TCEA1: variants seen among roughly 807,000 people sequenced by gnomAD.
The protein encoded by TCEA1 is transcription elongation factor A protein 1.
TCEA1 carries 21 observed loss-of-function variants against 43.8 expected under a neutral mutation model. The observed-to-expected ratio is 0.48, with a 90% CI of 0.34 to 0.69. The LOEUF is 0.69. Ranked by LOEUF, TCEA1 falls within the 30% of genes least tolerant of loss-of-function variation. TCEA1 has a pLI of 0.01. For missense variants in TCEA1, 250 were observed against 365.1 expected, an observed-to-expected ratio of 0.68 and a Z score of 2.57; for synonymous variants, 104 against 117.5, an observed-to-expected ratio of 0.88 and a Z score of 0.75.
intron 1 of TCEA1, among the ~76,000 whole-genome samples, chr8:54,014,530 ACT>A (rs1418729328): frequency 1.3e-5 from 2 of 152,122 alleles, no homozygotes; most frequent in African/African-American, 4.8e-5. Context: ...AGAAAGAAAG[ACT>A]CTTCTTTAAT....
intron 3 of TCEA1, 73 bp downstream of exon 3, chr8:53,999,872 C>T (rs1586020719): frequency 9.5e-7 from 1 of 1,050,396 alleles, no homozygotes; most frequent in African/African-American, 1.6e-5. Context: ...ATTAACTAAC[C>T]ATAAAATGTA....
chr8:53,995,244 G>A (rs897331667), intron 3 of TCEA1, among the ~76,000 whole-genome samples: 3 of 149,416 alleles, frequency 2.0e-5, no homozygotes, highest in Non-Finnish European at 3.0e-5. Flanking sequence ...GCAGTGAGCC[G>A]AGATTGTGCG....
At chr8:54,021,354 T>C (rs1354586329) in intron 1 of TCEA1, among the ~76,000 whole-genome samples, 1 of 152,322 alleles carries the variant, frequency 6.6e-6, no homozygotes, top group East Asian at 1.9e-4. Context: ...GCCACCAGTA[T>C]TAACTGTAAA....
In TCEA1 at chr8:53,973,808, A is replaced by C. The variant is rs1447376375; in HGVS notation, c.826-3345T>G. On this transcript the variant is annotated intron_variant, in intron 8 of 9. Coordinates refer to ENST00000521604, the MANE Select transcript of TCEA1 (RefSeq NM_006756.4). The stretch of plus-strand genomic sequence containing the variant: ...CAGATCCCAATTTCAAGAAAACAAA[A>C]GCTGTGGAAAAAACCCTTGAGGAGA... 3.2e-5 allele frequency: 13 copies of C among 411,888 alleles called. No homozygotes were observed. In the Admixed American group the frequency reaches 4.5e-4, roughly 14 times the overall value. 25.5% of individuals were successfully genotyped at this position (411,888 alleles called of 1,614,324 possible). A position where few individuals can be genotyped will look rare whatever the true frequency, so the allele number is the denominator to read the frequency against.
intron 2 of TCEA1, among the ~76,000 whole-genome samples, chr8:54,008,861 T>A (rs1021510454): frequency 4.0e-5 from 6 of 149,964 alleles, no homozygotes; most frequent in African/African-American, 1.2e-4. Flanking sequence ...TTATTTTTTT[T>A]TTTTTTGAGA....
intron 1 of TCEA1, among the ~76,000 whole-genome samples, chr8:54,016,006 A>G (rs1433782807): frequency 6.6e-6 from 1 of 152,244 alleles, no homozygotes; most frequent in Non-Finnish European, 1.5e-5. Flanking sequence ...TAGGAAGGCT[A>G]TAATCAAGAC....
chr8:53,997,183 C>T (rs537212796), intron 3 of TCEA1, among the ~76,000 whole-genome samples: 12 of 152,230 alleles, frequency 7.9e-5, no homozygotes, highest in African/African-American at 2.4e-4. Context: ...GCTGAGATTA[C>T]AGGCGTGAGC....
chr8:53,973,156 G>A, intron 8 of TCEA1: 1 of 534,552 alleles, frequency 1.9e-6, no homozygotes, highest in East Asian at 3.9e-5. Flanking sequence ...GAAGAAGATG[G>A]GAAAACAAAA....
At chr8:54,022,040 C>T (rs1358710475) in intron 1 of TCEA1, 23 bp downstream of exon 1, 1 of 1,579,354 alleles carries the variant, frequency 6.3e-7, no homozygotes, top group East Asian at 2.5e-5. Context: ...TCCCTCCCGG[C>T]CCGCGCCGCT....
At chr8:53,974,192 GAA>G in intron 8 of TCEA1, 1 of 153,832 alleles carries the variant, frequency 6.5e-6, no homozygotes. Flanking sequence ...TTTCAAGCAA[GAA>G]AAAAAAAGTC....
chr8:53,967,490 G>A lies in TCEA1; in HGVS notation c.*614C>T, dbSNP rs944530603. ...AAGAACAAGTAATATACATGTACAA[G>A]AAATTACAAGAAATGATGATCACGG... On this transcript the variant is annotated 3_prime_UTR_variant, in exon 10 of 10. Coordinates refer to ENST00000521604, the MANE Select transcript of TCEA1 (RefSeq NM_006756.4). 4.0e-5 allele frequency: 8 copies of A among 199,246 alleles called. No homozygotes were observed. Among genetic ancestry groups the A allele is most frequent in the Non-Finnish European group, 8.3e-5 (8 of 96,698 alleles). 12.3% of individuals were successfully genotyped at this position (199,246 alleles called of 1,614,324 possible). A position where few individuals can be genotyped will look rare whatever the true frequency, so the allele number is the denominator to read the frequency against.
chr8:53,978,248 A>G (rs1803391507), intron 8 of TCEA1, among the ~76,000 whole-genome samples: 1 of 152,130 alleles, frequency 6.6e-6, no homozygotes, highest in Non-Finnish European at 1.5e-5. Context: ...AAAAATAATA[A>G]TAATTTTTTT....
chr8:53,980,031 C>G (rs931297863), intron 7 of TCEA1, among the ~76,000 whole-genome samples: 3 of 152,072 alleles, frequency 2.0e-5, no homozygotes, highest in African/African-American at 7.2e-5. Context: ...GCATGGCCAG[C>G]CTTGCATTAA....
chr8:54,000,293 G>C (rs928189725), intron 2 of TCEA1, among the ~76,000 whole-genome samples: 3 of 152,052 alleles, frequency 2.0e-5, no homozygotes, highest in African/African-American at 7.2e-5. Context: ...TAATAAGTCT[G>C]GTTAACTAGA....
At chr8:53,984,575 C>G in intron 6 of TCEA1, 58 bp from the exon 7 acceptor site, 1 of 1,431,368 alleles carries the variant, frequency 7.0e-7, no homozygotes, top group African/African-American at 1.4e-5. Flanking sequence ...CTTTTTTTTC[C>G]TGTTCTGCCA....
Position 53,984,354 on chromosome 8 carries a change from C to G in TCEA1, c.678+9G>C. 3 of 1,591,692 alleles carry G rather than the reference C, an allele frequency of 1.9e-6. No homozygotes were observed. The South Asian group carries it at 3.5e-5, about 18-fold the overall frequency. ...ACATTATAGAAACCTCAGATTCACA[C>G]ATACTCACCTCTGCTGTCATTCTAG... On this transcript the variant is annotated intron_variant, in intron 7 of 9. Coordinates refer to ENST00000521604, the MANE Select transcript of TCEA1 (RefSeq NM_006756.4).
At chr8:53,998,515 C>A (rs997860781) in intron 3 of TCEA1, among the ~76,000 whole-genome samples, 2 of 152,154 alleles carry the variant, frequency 1.3e-5, no homozygotes, top group African/African-American at 4.8e-5. Context: ...TATATACACA[C>A]ACACACATAA....
At chr8:53,997,571 C>T (rs1407188182) in intron 3 of TCEA1, among the ~76,000 whole-genome samples, 1 of 152,148 alleles carries the variant, frequency 6.6e-6, no homozygotes, top group Non-Finnish European at 1.5e-5. Context: ...GAGAAAAAAG[C>T]AGGTACACCT....
chr8:54,016,665 C>A (rs1273215377), intron 1 of TCEA1, among the ~76,000 whole-genome samples: 1 of 151,670 alleles, frequency 6.6e-6, no homozygotes, highest in African/African-American at 2.4e-5. Flanking sequence ...ATGGTGAAAC[C>A]CTGTCTCTAC....
Sources: gnomAD v4.1 joint callset for allele counts (sites outside exome capture counted in the v4.1 genomes callset) on GRCh38, gnomAD v4.1.1 for gene constraint, MANE v1.5 for transcripts, NCBI Gene and HGNC (gene_info 2026-07-23, HGNC 2026-07-21) for gene names.